The following PDE6A variants were observed in gnomAD, a reference collection of about 807,000 sequenced individuals.
The protein encoded by PDE6A is phosphodiesterase 6A, also known as rod cGMP-specific 3',5'-cyclic phosphodiesterase subunit alpha.
PDE6A carries 84 observed loss-of-function variants against 106.3 expected under a neutral mutation model. That is an observed-to-expected ratio of 0.79 (90% CI 0.66 to 0.95). The LOEUF (loss-of-function observed/expected upper bound fraction) is 0.95. Among genes scored for constraint, PDE6A ranks in the 40% least tolerant of loss-of-function variants. The pLI, the probability that PDE6A is intolerant of heterozygous loss-of-function variation, is 0.00. For missense variants in PDE6A, 1,052 were observed against 1,084.9 expected (o/e 0.97, Z 0.43); for synonymous variants, 394 against 386.6 (o/e 1.02, Z -0.23).
chr5:149,874,429 T>G (rs987602602), intron 17 of PDE6A, among the ~76,000 whole-genome samples: 1 of 152,118 alleles, frequency 6.6e-6, no homozygotes, highest in Non-Finnish European at 1.5e-5. Context: ...AGGTTACAGC[T>G]CAGAAACAGC....
At chr5:149,861,126 TCACGGAAA>T (rs138029321) in intron 21 of PDE6A, among the ~76,000 whole-genome samples, 155 bp from the exon 22 acceptor site, 3,132 of 152,160 alleles carry the variant, frequency 0.021, 39 homozygotes, top group Admixed American at 0.032. Context: ...GTGAGGAGAA[TCACGGAAA>T]CAGAACATTT....
chr5:149,872,617 C>G (rs377369381), intron 17 of PDE6A, among the ~76,000 whole-genome samples: 1 of 152,180 alleles, frequency 6.6e-6, no homozygotes, highest in Non-Finnish European at 1.5e-5. Flanking sequence ...TTCCTCTTAG[C>G]CAGCCCTTTC....
At chr5:149,938,015 C>T (rs1410180200) in intron 1 of PDE6A, among the ~76,000 whole-genome samples, 1 of 152,076 alleles carries the variant, frequency 6.6e-6, no homozygotes, top group Non-Finnish European at 1.5e-5. Context: ...ACTCACTATG[C>T]CAGGCATTGT....
chr5:149,932,127 T>C, intron 3 of PDE6A: 3 of 1,240,908 alleles, frequency 2.4e-6, no homozygotes, highest in South Asian at 2.4e-5. Flanking sequence ...TAGACGTCTA[T>C]TTAGTTTGAT....
At chr5:149,941,418 C>A (rs1754324140) in intron 1 of PDE6A, among the ~76,000 whole-genome samples, 1 of 152,188 alleles carries the variant, frequency 6.6e-6, no homozygotes, top group South Asian at 2.1e-4. Flanking sequence ...AACCAACATC[C>A]AGAGAGGGGG....
At chr5:149,862,807 T>A (rs1455463986) in intron 21 of PDE6A, among the ~76,000 whole-genome samples, 3 of 152,146 alleles carry the variant, frequency 2.0e-5, no homozygotes, top group African/African-American at 7.2e-5. Flanking sequence ...TAATTATAGA[T>A]CTTCTCCTTT....
At chr5:149,903,760 T>C (rs1165729631) in intron 7 of PDE6A, 65 bp from the exon 8 acceptor site, 1 of 1,157,078 alleles carries the variant, frequency 8.6e-7, no homozygotes, top group East Asian at 2.3e-5. Context: ...AGTGAAGCAC[T>C]GTATACCATT....
intron 17 of PDE6A, among the ~76,000 whole-genome samples, chr5:149,881,224 C>T (rs1301657943): frequency 1.3e-5 from 2 of 152,130 alleles, no homozygotes; most frequent in Non-Finnish European, 1.5e-5. Flanking sequence ...AATTACCATT[C>T]GACCCAACAT....
chr5:149,914,602 T>C (rs1229747294), intron 6 of PDE6A, among the ~76,000 whole-genome samples: 1 of 151,720 alleles, frequency 6.6e-6, no homozygotes, highest in Non-Finnish European at 1.5e-5. Context: ...AAAAGTCCTG[T>C]TCCAGTCTTT....
chr5:149,868,085 GA>G lies in PDE6A; in HGVS notation c.2199+9del. ...GATGCCCCTCCTCTTGGGTCAGCAG[GA>G]GTTCATACCTGGCTCTGCACCTCCC... On this transcript the variant is annotated intron_variant, in intron 18 of 21. Coordinates refer to ENST00000255266, the MANE Select transcript of PDE6A (RefSeq NM_000440.3). The G allele has an allele frequency of 6.2e-7, 1 of 1,613,630 alleles. No homozygotes were observed. The highest frequency in any genetic ancestry group is 1.1e-5 in the South Asian group (1 of 91,054).
chr5:149,904,471 G>A (rs1047645379), intron 7 of PDE6A, among the ~76,000 whole-genome samples: 3 of 152,140 alleles, frequency 2.0e-5, no homozygotes, highest in African/African-American at 4.8e-5. Flanking sequence ...ACCGTGTACA[G>A]TTGTGTAATG....
chr5:149,922,395 T>TCC (rs1753750176), intron 4 of PDE6A, among the ~76,000 whole-genome samples: 1 of 152,132 alleles, frequency 6.6e-6, no homozygotes, highest in Non-Finnish European at 1.5e-5. Context: ...CACTGCAACC[T>TCC]CCACCTCCCG....
In PDE6A at chr5:149,900,383, A is replaced by G. The variant is rs1464698256; in HGVS notation, c.1114-859T>C. 1.7e-4 allele frequency among the ~76,000 whole-genome samples: 19 copies of G among 110,522 alleles called. 2 individuals carry two copies. The highest frequency in any genetic ancestry group is 7.7e-4 in the African/African-American group (19 of 24,822). The allele number at this position is 110,522 out of a possible 152,430, so 72.5% of individuals were successfully genotyped here. A position where few individuals can be genotyped will look rare whatever the true frequency, so the allele number is the denominator to read the frequency against. On this transcript the variant is annotated intron_variant, in intron 8 of 21. Transcript: ENST00000255266. Reference sequence around the variant, plus strand: ...TCTCGAAAAATATATATGTATATATATATATATATATATATCCGTTGGTTC... The same window carrying G: ...TCTCGAAAAATATATATGTATATATGTATATATATATATATCCGTTGGTTC...
chr5:149,939,246 C>T (rs927846818), intron 1 of PDE6A, among the ~76,000 whole-genome samples: 1 of 152,158 alleles, frequency 6.6e-6, no homozygotes, highest in Non-Finnish European at 1.5e-5. Flanking sequence ...GTGTGGTTTC[C>T]TGGGTAAACT....
chr5:149,895,124 C>A, intron 13 of PDE6A, 59 bp downstream of exon 13: 1 of 955,006 alleles, frequency 1.0e-6, no homozygotes, highest in Non-Finnish European at 1.7e-6. Context: ...GTAGAGTCTG[C>A]ATGAGATTGT....
At chr5:149,903,609 A>G (rs747295822) in intron 8 of PDE6A, 39 bp downstream of exon 8, 3 of 1,557,800 alleles carry the variant, frequency 1.9e-6, no homozygotes, top group East Asian at 2.2e-5. Context: ...GGAGGAAAAA[A>G]AATCATATGA....
intron 1 of PDE6A, among the ~76,000 whole-genome samples, chr5:149,935,420 C>T (rs986402750): frequency 2.0e-5 from 3 of 152,206 alleles, no homozygotes; most frequent in African/African-American, 7.2e-5. Context: ...TAGCACCACA[C>T]AACCAGTTCA....
Position 149,895,178 on chromosome 5 carries a change from C to A in PDE6A, c.1728+5G>T, listed in dbSNP as rs774446830. The A allele has an allele frequency of 1.9e-6, 3 of 1,601,610 alleles. No homozygotes were observed. Among genetic ancestry groups the A allele is most frequent in the Non-Finnish European group, 1.7e-6 (2 of 1,168,588 alleles). Reference sequence around the variant, plus strand: ...ACCCTACCAGCCCCACCGGCCCCGCCATACCACCAGCAGGGAGAACATGGT... The same window carrying A: ...ACCCTACCAGCCCCACCGGCCCCGCAATACCACCAGCAGGGAGAACATGGT... On this transcript the variant is annotated splice_donor_5th_base_variant and intron_variant, in intron 13 of 21. Transcript: ENST00000255266.
chr5:149,898,576 C>G (rs988852054), intron 9 of PDE6A, 70 bp from the exon 10 acceptor site: 18 of 1,501,766 alleles, frequency 1.2e-5, no homozygotes, highest in Non-Finnish European at 1.6e-5. Context: ...AAACTCATAG[C>G]AAGAGTCTCT....
Sources: gnomAD v4.1 joint callset for allele counts (sites outside exome capture counted in the v4.1 genomes callset) on GRCh38, gnomAD v4.1.1 for gene constraint, MANE v1.5 for transcripts, NCBI Gene and HGNC (gene_info 2026-07-23, HGNC 2026-07-21) for gene names.